NCKAP5L: variants seen among roughly 807,000 people sequenced by gnomAD.
NCKAP5L encodes the protein nck-associated protein 5-like.
NCKAP5L carries 54 observed loss-of-function variants against 103.2 expected under a neutral mutation model. The observed-to-expected ratio is 0.52, with a 90% CI of 0.42 to 0.66. The LOEUF (loss-of-function observed/expected upper bound fraction) is 0.66, where lower values mean the gene tolerates loss of function less well. Among genes scored for constraint, NCKAP5L ranks in the 30% least tolerant of loss-of-function variants. NCKAP5L has a pLI of 0.00. For missense variants in NCKAP5L, 1,733 were observed against 1,750.6 expected, an observed-to-expected ratio of 0.99 and a Z score of 0.18; for synonymous variants, 762 against 748.6, an observed-to-expected ratio of 1.02 and a Z score of -0.29.
At chr12:49,798,498 G>C (rs1163012456) in intron 6 of NCKAP5L, 35 bp from the exon 7 acceptor site, 1 of 1,512,504 alleles carries the variant, frequency 6.6e-7, no homozygotes, top group Non-Finnish European at 9.0e-7. Flanking sequence ...CACAGTAGCT[G>C]TCTGACCCCA....
Position 49,795,489 on chromosome 12 carries a change from G to A in NCKAP5L, c.2371C>T (p.Pro791Ser), listed in dbSNP as rs753974937. 4 of 1,536,190 alleles carry A rather than the reference G, an allele frequency of 2.6e-6. No individual in the cohort carries two copies. Among genetic ancestry groups the A allele is most frequent in the African/African-American group, 1.4e-5 (1 of 72,188 alleles). ...GTTGGCACTTTGGCAGGGGTACGGG[G>A]TACCTGGGGGCACAGGGCCCCTGCC... is the stretch of plus-strand genomic sequence containing the variant. ...RLAGALCPQV[P>S]RTPAKVPTSA... The change falls in exon 8 of 13, where the codon CCC becomes TCC. Residue 791 changes from proline to serine, a missense_variant. Coordinates refer to ENST00000335999, the MANE Select transcript of NCKAP5L (RefSeq NM_001037806.4).
chr12:49,793,549 C>T, intron 9 of NCKAP5L, 116 bp from the exon 10 acceptor site: 1 of 1,269,798 alleles, frequency 7.9e-7, no homozygotes, highest in Non-Finnish European at 1.1e-6. Flanking sequence ...GATTAGGGCC[C>T]AGGAGTATGG....
intron 1 of NCKAP5L, among the ~76,000 whole-genome samples, chr12:49,811,220 C>T (rs1186647232): frequency 6.6e-6 from 1 of 152,214 alleles, no homozygotes; most frequent in Non-Finnish European, 1.5e-5. Context: ...CGCTCTCTCA[C>T]TCTCTTCCCC....
Position 49,792,523 on chromosome 12 carries a change from T to A in NCKAP5L, c.3715A>T (p.Thr1239Ser). The stretch of plus-strand genomic sequence containing the variant: ...TCCGAGGAGCTGCCGGCTGCCCTAG[T>A]ATTGGGGAAGGTCCAGTTCTTGGCC... ...QLAKNWTFPN[T>S]RAAGSSSDPL... Residue 1239 changes from threonine (T) to serine (S), a missense_variant, in exon 12 of 13, where the codon ACT (threonine) becomes TCT (serine). Transcript: ENST00000335999. The surrounding 1 kb of genome is among the most constrained non-coding windows in gnomAD (Gnocchi z 4.5). 1 of 1,613,328 alleles carries A rather than the reference T, an allele frequency of 6.2e-7. No homozygotes were observed. The highest frequency in any genetic ancestry group is 8.5e-7 in the Non-Finnish European group (1 of 1,179,642).
rs899409267 is a variant in NCKAP5L at position 49,822,088 on chromosome 12, G to A, written c.-99+6234C>T. ...GGTGGAGCCCTCATGAATGGGATTA[G>A]TGCTCTTATGAAAAGAGGCCTGGTG... On this transcript the variant is annotated intron_variant, in intron 1 of 12. Coordinates refer to ENST00000335999, the MANE Select transcript of NCKAP5L (RefSeq NM_001037806.4). Among the ~76,000 whole-genome samples, 3 of 152,150 alleles carry A rather than the reference G, an allele frequency of 2.0e-5. 1 individual carries two copies. The highest frequency in any genetic ancestry group is 4.4e-5 in the Non-Finnish European group (3 of 68,038).
intron 1 of NCKAP5L, among the ~76,000 whole-genome samples, chr12:49,825,347 TGA>T (rs1312161624): frequency 1.3e-5 from 2 of 151,982 alleles, no homozygotes; most frequent in Admixed American, 6.6e-5. Flanking sequence ...AAGGAGACAG[TGA>T]GAGCGGTGGT....
At chr12:49,814,102 C>A (rs966897678) in intron 1 of NCKAP5L, among the ~76,000 whole-genome samples, 3 of 151,694 alleles carry the variant, frequency 2.0e-5, no homozygotes, top group African/African-American at 4.8e-5. Context: ...AGCAACTTTG[C>A]CCAGCCTAGT....
chr12:49,810,193 G>T (rs1946224376), intron 1 of NCKAP5L, among the ~76,000 whole-genome samples: 1 of 150,860 alleles, frequency 6.6e-6, no homozygotes, highest in African/African-American at 2.4e-5. Context: ...GGGAGGGAAG[G>T]GGGTGGGGAG....
Position 49,794,817 on chromosome 12 carries a change from G to C in NCKAP5L, c.3043C>G (p.Leu1015Val). ...NTGLGQVQGQ[L>V]AGMYQGADTF... ...TCTGCACCTTGGTACATGCCAGCCA[G>C]CTGGCCCTGCACCTGCCCCAGCCCC... is the stretch of plus-strand genomic sequence containing the variant. The change falls in exon 8 of 13, where the codon CTG becomes GTG. Residue 1015 changes from leucine to valine, a missense_variant. Physicochemically the swap from Leu to Val is conservative, Grantham distance 32. Transcript: ENST00000335999. 6.5e-7 allele frequency: 1 copy of C among 1,544,194 alleles called. No individual in the cohort carries two copies. The highest frequency in any genetic ancestry group is 8.7e-7 in the Non-Finnish European group (1 of 1,145,186).
In NCKAP5L at chr12:49,795,497, G is replaced by T; in HGVS notation, c.2363C>A (p.Pro788His). 2 of 1,533,172 alleles carry T rather than the reference G, an allele frequency of 1.3e-6. No individual in the cohort carries two copies. The highest frequency in any genetic ancestry group is 1.3e-5 in the South Asian group (1 of 76,518). 95.0% of individuals were successfully genotyped at this position (1,533,172 alleles called of 1,614,324 possible). ...AKSRLAGALC[P>H]QVPRTPAKVP... Reference sequence around the variant, plus strand: ...TTTGGCAGGGGTACGGGGTACCTGGGGGCACAGGGCCCCTGCCAGCCGGCT... The same window carrying T: ...TTTGGCAGGGGTACGGGGTACCTGGTGGCACAGGGCCCCTGCCAGCCGGCT... Residue 788 changes from proline to histidine, a missense_variant, in exon 8 of 13, where the codon CCC (proline) becomes CAC (histidine). Coordinates refer to ENST00000335999, the MANE Select transcript of NCKAP5L (RefSeq NM_001037806.4).
intron 1 of NCKAP5L, among the ~76,000 whole-genome samples, chr12:49,816,178 C>G (rs1023745432): frequency 6.6e-6 from 1 of 152,170 alleles, no homozygotes; most frequent in African/African-American, 2.4e-5. Flanking sequence ...AGAAGGGGAG[C>G]TCCCCGAGGA....
chr12:49,824,670 T>C (rs1396965215), intron 1 of NCKAP5L, among the ~76,000 whole-genome samples: 1 of 152,210 alleles, frequency 6.6e-6, no homozygotes, highest in Non-Finnish European at 1.5e-5. Context: ...ATGGAGGCAT[T>C]GCATATGCAG....
chr12:49,792,272 CA>C lies in NCKAP5L; in HGVS notation c.3792+173del. On this transcript the variant is annotated intron_variant, in intron 12 of 12. Transcript: ENST00000335999. The surrounding 1 kb of genome is among the most constrained non-coding windows in gnomAD (Gnocchi z 4.5). ...GAAACCTTTCCCCACGAGAGAAGTG[CA>C]AGGAGGGCAGTGGGGAGGGCCGCTC... 1 of 1,323,458 alleles carries C rather than the reference CA, an allele frequency of 7.6e-7. No individual in the cohort carries two copies. Among genetic ancestry groups the C allele is most frequent in the Non-Finnish European group, 1.1e-6 (1 of 952,266 alleles). 82.0% of individuals were successfully genotyped at this position (1,323,458 alleles called of 1,614,324 possible). A position where few individuals can be genotyped will look rare whatever the true frequency, so the allele number is the denominator to read the frequency against.
chr12:49,797,124 G>C lies in NCKAP5L; in HGVS notation c.736C>G (p.Leu246Val), dbSNP rs1489714671. ...AGGCCTCCCAGGTTGCCAGGGCCTAGCAGCAGGCAGGGCGCCCAGGGTGAG... is the reference window on the plus strand; with the variant it reads ...AGGCCTCCCAGGTTGCCAGGGCCTACCAGCAGGCAGGGCGCCCAGGGTGAG... ...EPSPWAPCLL[L>V]GPGNLGGLLH... The change falls in exon 8 of 13, where the codon CTA becomes GTA. Residue 246 changes from leucine (L) to valine (V), a missense_variant. Physicochemically the swap from Leu to Val is conservative, Grantham distance 32 (BLOSUM62 1). Transcript: ENST00000335999. This position sits in a 1 kb window ranked among gnomAD's most constrained non-coding sequence, Gnocchi z 4.5. The C allele has an allele frequency of 1.2e-6, 2 of 1,601,210 alleles. No individual in the cohort carries two copies. The highest frequency in any genetic ancestry group is 1.3e-5 in the African/African-American group (1 of 74,720).
intron 1 of NCKAP5L, among the ~76,000 whole-genome samples, chr12:49,816,270 C>A (rs1169087445): frequency 6.6e-6 from 1 of 152,042 alleles, no homozygotes; most frequent in Non-Finnish European, 1.5e-5. Context: ...AGGCCCTGAG[C>A]CACCCTGCCC....
chr12:49,794,760 C>T lies in NCKAP5L; in HGVS notation c.3095+5G>A, dbSNP rs1946003178. ...AGCCCCTGTTGACTGATCCCAGGACCTCACCTGTTTAGCAGCTGCTGCATG... is the reference window on the plus strand; with the variant it reads ...AGCCCCTGTTGACTGATCCCAGGACTTCACCTGTTTAGCAGCTGCTGCATG... On this transcript the variant is annotated splice_donor_5th_base_variant and intron_variant, in intron 8 of 12. Coordinates refer to ENST00000335999, the MANE Select transcript of NCKAP5L (RefSeq NM_001037806.4). The T allele has an allele frequency of 1.3e-6, 2 of 1,497,240 alleles. No individual in the cohort carries two copies. The highest frequency in any genetic ancestry group is 8.9e-7 in the Non-Finnish European group (1 of 1,123,470). 92.7% of individuals were successfully genotyped at this position (1,497,240 alleles called of 1,614,324 possible).
At chr12:49,821,058 G>A (rs981442736) in intron 1 of NCKAP5L, among the ~76,000 whole-genome samples, 1 of 152,194 alleles carries the variant, frequency 6.6e-6, no homozygotes, top group African/African-American at 2.4e-5. Flanking sequence ...GGTGGGGTAA[G>A]GAGCTCGGCA....
intron 1 of NCKAP5L, among the ~76,000 whole-genome samples, chr12:49,816,695 G>T (rs1041644089): frequency 6.6e-6 from 1 of 151,734 alleles, no homozygotes; most frequent in South Asian, 2.1e-4. Context: ...TACTTGGGAG[G>T]CTGAGGCAGA....
At chr12:49,823,027 T>A (rs1344153911) in intron 1 of NCKAP5L, among the ~76,000 whole-genome samples, 1 of 151,970 alleles carries the variant, frequency 6.6e-6, no homozygotes, top group African/African-American at 2.4e-5. Flanking sequence ...ATGTGGGGGC[T>A]CCAATCCAGG....
Sources: allele counts gnomAD v4.1 joint callset (sites outside exome capture counted in the v4.1 genomes callset), GRCh38; gene constraint gnomAD v4.1.1; non-coding constraint Gnocchi (gnomAD v3.1); transcripts MANE v1.5; gene names NCBI Gene and HGNC (gene_info 2026-07-23, HGNC 2026-07-21).